KCNC2: variants seen among roughly 807,000 people sequenced by gnomAD.
The protein encoded by KCNC2 is voltage-gated potassium channel KCNC2.
A neutral mutation model predicts 44.5 loss-of-function variants in KCNC2; 21 were observed. That is an observed-to-expected ratio of 0.47 (90% CI 0.33 to 0.68). The LOEUF (loss-of-function observed/expected upper bound fraction) is 0.68, where lower values mean the gene tolerates loss of function less well. KCNC2 is among the 30% of genes least tolerant of loss of function. KCNC2 has a pLI of 0.01. For synonymous variants in KCNC2, 391 were observed against 339.1 expected (o/e 1.15, Z -1.68); for missense variants, 589 against 826.2 (o/e 0.71, Z 3.52).
chr12:75,170,528 A>T, intron 2 of KCNC2, among the ~76,000 whole-genome samples: 1 of 151,830 alleles, frequency 6.6e-6, no homozygotes. Flanking sequence ...GTATTCACTC[A>T]ACTAAATATG....
chr12:75,195,058 C>G (rs761393723), intron 2 of KCNC2, among the ~76,000 whole-genome samples: 2 of 152,072 alleles, frequency 1.3e-5, no homozygotes, highest in Non-Finnish European at 2.9e-5. Flanking sequence ...TTCATTTAAT[C>G]CTAGTTCAAT....
intron 2 of KCNC2, among the ~76,000 whole-genome samples, chr12:75,076,732 C>G (rs1291865568): frequency 2.6e-5 from 4 of 152,184 alleles, no homozygotes; most frequent in Non-Finnish European, 5.9e-5. Context: ...CCAATACACA[C>G]TACTGTATTT....
At chr12:75,201,719 C>A (rs563177321) in intron 2 of KCNC2, among the ~76,000 whole-genome samples, 1 of 151,834 alleles carries the variant, frequency 6.6e-6, no homozygotes, top group African/African-American at 2.4e-5. Flanking sequence ...TTATTACCAT[C>A]CCTCAACCTG....
In KCNC2 at chr12:75,136,692, C is replaced by A. The variant is rs1279167056; in HGVS notation, c.687+70605G>T. ...ATCAGTAATAAAAATCTCCCAACAACAATAACAAAAGAAACCCAGGACCAG... is the reference window on the plus strand; with the variant it reads ...ATCAGTAATAAAAATCTCCCAACAAAAATAACAAAAGAAACCCAGGACCAG... On this transcript the variant is annotated intron_variant, in intron 2 of 4. Coordinates refer to ENST00000549446, the MANE Select transcript of KCNC2 (RefSeq NM_139137.4). 2.0e-5 allele frequency among the ~76,000 whole-genome samples: 3 copies of A among 151,836 alleles called. 1 individual carries two copies. The South Asian group carries it at 6.2e-4, about 31-fold the overall frequency.
In KCNC2 at chr12:75,206,636, A is replaced by T. The variant is rs117180789; in HGVS notation, c.687+661T>A. Among the ~76,000 whole-genome samples the T allele has an allele frequency of 9.2e-3, 1,404 of 152,320 alleles. 8 individuals carry two copies. Among genetic ancestry groups the T allele is most frequent in the Non-Finnish European group, 0.016 (1,119 of 68,006 alleles). ...CCCTAAGCAAAAGGGACGAGGCTCA[A>T]AATTCTGTGTGTAAGTGGGCTCTCT... On this transcript the variant is annotated intron_variant, in intron 2 of 4. Transcript: ENST00000549446.
chr12:75,168,377 G>A (rs1329202549), intron 2 of KCNC2, among the ~76,000 whole-genome samples: 1 of 151,358 alleles, frequency 6.6e-6, no homozygotes, highest in Non-Finnish European at 1.5e-5. Flanking sequence ...TTTGAAAACA[G>A]GGAACTGAGT....
intron 2 of KCNC2, among the ~76,000 whole-genome samples, chr12:75,197,080 G>A (rs971687089): frequency 6.6e-6 from 1 of 151,926 alleles, no homozygotes; most frequent in Non-Finnish European, 1.5e-5. Flanking sequence ...GGATCTCTGG[G>A]GTGAGACCTG....
chr12:75,117,883 T>G (rs1051140367), intron 2 of KCNC2, among the ~76,000 whole-genome samples: 19 of 152,280 alleles, frequency 1.2e-4, no homozygotes, highest in South Asian at 1.0e-3. Context: ...GTTTGGGCAT[T>G]ACACAACTAA....
chr12:75,080,477 T>A (rs895413862), intron 2 of KCNC2, among the ~76,000 whole-genome samples: 39 of 151,648 alleles, frequency 2.6e-4, no homozygotes, highest in African/African-American at 9.2e-4. Flanking sequence ...TAGCCATGCA[T>A]AAAGGGAACA....
chr12:75,149,972 A>G (rs1890277524), intron 2 of KCNC2, among the ~76,000 whole-genome samples: 1 of 151,820 alleles, frequency 6.6e-6, no homozygotes, highest in Admixed American at 6.6e-5. Context: ...TTAGGCATGG[A>G]CATTTTAATT....
chr12:75,177,513 A>T (rs67147180), intron 2 of KCNC2, among the ~76,000 whole-genome samples: 45,065 of 151,796 alleles, frequency 0.3, 6,768 homozygotes, highest in Middle Eastern at 0.41. Context: ...TGAAAATCAG[A>T]GGATAAAGGA....
chr12:75,116,029 C>G (rs113725358), intron 2 of KCNC2, among the ~76,000 whole-genome samples: 2 of 152,232 alleles, frequency 1.3e-5, no homozygotes, highest in African/African-American at 4.8e-5. Context: ...AGTGACTGGC[C>G]TGTCAAGGAA....
chr12:75,165,073 C>T (rs1236105078), intron 2 of KCNC2, among the ~76,000 whole-genome samples: 4 of 151,560 alleles, frequency 2.6e-5, no homozygotes, highest in Admixed American at 2.0e-4. Context: ...CCTACAGTTC[C>T]TTAGTAATGT....
At chr12:75,186,179 C>T (rs1402999362) in intron 2 of KCNC2, among the ~76,000 whole-genome samples, 1 of 151,422 alleles carries the variant, frequency 6.6e-6, no homozygotes, top group Non-Finnish European at 1.5e-5. Context: ...AATCATATAC[C>T]TTGGGAAATT....
At chr12:75,191,887 C>A (rs2030317610) in intron 2 of KCNC2, among the ~76,000 whole-genome samples, 1 of 152,086 alleles carries the variant, frequency 6.6e-6, no homozygotes, top group Admixed American at 6.6e-5. Flanking sequence ...CATCTACTAT[C>A]TTACAATGGT....
intron 2 of KCNC2, among the ~76,000 whole-genome samples, chr12:75,139,544 G>C (rs1001332466): frequency 1.3e-5 from 2 of 152,294 alleles, no homozygotes; most frequent in Non-Finnish European, 2.9e-5. Flanking sequence ...ATTTAGTTCA[G>C]TTCTAACTGC....
At chr12:75,156,878 T>C (rs1367237823) in intron 2 of KCNC2, among the ~76,000 whole-genome samples, 1 of 151,880 alleles carries the variant, frequency 6.6e-6, no homozygotes, top group Non-Finnish European at 1.5e-5. Flanking sequence ...TAGTATCATT[T>C]TCCTGTAAAG....
chr12:75,203,713 G>A (rs1161819977), intron 2 of KCNC2, among the ~76,000 whole-genome samples: 2 of 151,860 alleles, frequency 1.3e-5, no homozygotes, highest in African/African-American at 4.8e-5. Flanking sequence ...CTAAAACAGA[G>A]CTGAATTCAA....
intron 2 of KCNC2, among the ~76,000 whole-genome samples, chr12:75,201,874 T>G (rs1472498194): frequency 6.6e-6 from 1 of 151,988 alleles, no homozygotes; most frequent in African/African-American, 2.4e-5. Flanking sequence ...ATTTTTCCAC[T>G]ATATATTTTC....
Sources: gnomAD v4.1 joint callset for allele counts (sites outside exome capture counted in the v4.1 genomes callset) on GRCh38, gnomAD v4.1.1 for gene constraint, MANE v1.5 for transcripts, NCBI Gene and HGNC (gene_info 2026-07-23, HGNC 2026-07-21) for gene names.